The following LGMN variants were observed in gnomAD, a reference collection of about 807,000 sequenced individuals.
LGMN encodes the protein asparaginyl endopeptidase.
A neutral mutation model predicts 56.8 loss-of-function variants in LGMN; 36 were observed. The observed-to-expected ratio is 0.63, with a 90% CI of 0.49 to 0.84. The LOEUF is 0.84. LGMN is among the 40% of genes least tolerant of loss of function. The pLI is 0.00. For missense variants in LGMN, 446 were observed against 556.1 expected (o/e 0.80, Z 1.99); for synonymous variants, 199 against 210.1 (o/e 0.95, Z 0.46).
chr14:92,718,721 C>G, intron 3 of LGMN, 26 bp downstream of exon 3: 6 of 1,505,862 alleles, frequency 4.0e-6, no homozygotes, highest in Non-Finnish European at 4.6e-6. Flanking sequence ...TCCTTCCCCA[C>G]CAAGTTCCAA....
chr14:92,721,564 T>C (rs537656477), intron 2 of LGMN, among the ~76,000 whole-genome samples: 5 of 152,342 alleles, frequency 3.3e-5, no homozygotes, highest in South Asian at 4.1e-4. Flanking sequence ...TATAGTGTAA[T>C]TGGCACTCCA....
intron 11 of LGMN, among the ~76,000 whole-genome samples, chr14:92,708,610 A>C (rs1889566179): frequency 1.3e-5 from 2 of 152,148 alleles, no homozygotes; most frequent in Admixed American, 1.3e-4. Context: ...GATTTAAAAA[A>C]AGAATCTTGC....
Position 92,714,676 on chromosome 14 carries a change from G to C in LGMN, c.405-225C>G, listed in dbSNP as rs1889973381. 6.6e-6 allele frequency among the ~76,000 whole-genome samples: 1 copy of C among 152,152 alleles called. No homozygotes were observed. Among genetic ancestry groups the C allele is most frequent in the Non-Finnish European group, 1.5e-5 (1 of 68,034 alleles). ...ATAGATCCTAGAGCCTCCAAATTCT[G>C]AACTACGGCTGGAAAGGAGGAGGGG... On this transcript the variant is annotated intron_variant, in intron 5 of 13. Transcript: ENST00000334869. The surrounding 1 kb of genome is among the most constrained non-coding windows in gnomAD (Gnocchi z 5.1).
At chr14:92,737,728 T>C (rs992831646) in intron 1 of LGMN, among the ~76,000 whole-genome samples, 1 of 152,238 alleles carries the variant, frequency 6.6e-6, no homozygotes, top group Non-Finnish European at 1.5e-5. Context: ...AATTGGACTC[T>C]GGAAGTGATG....
intron 2 of LGMN, among the ~76,000 whole-genome samples, chr14:92,721,149 G>A (rs1442988096): frequency 5.3e-5 from 8 of 152,210 alleles, no homozygotes. Flanking sequence ...ACCTTGGATA[G>A]AGAGTGCTTG....
intron 12 of LGMN, 57 bp from the exon 13 acceptor site, chr14:92,704,764 C>G: frequency 3.5e-6 from 5 of 1,422,742 alleles, no homozygotes; most frequent in Non-Finnish European, 5.0e-6. Context: ...ACAATCCACT[C>G]CACTTTTGCA....
chr14:92,718,966 T>C (rs532304384), intron 2 of LGMN, 122 bp from the exon 3 acceptor site: 1 of 618,282 alleles, frequency 1.6e-6, no homozygotes, highest in South Asian at 2.0e-5. Context: ...GGTCAGGCAT[T>C]TAAATTATTA....
intron 7 of LGMN, among the ~76,000 whole-genome samples, chr14:92,713,609 G>A (rs1235873314): frequency 6.6e-6 from 1 of 152,152 alleles, no homozygotes; most frequent in Non-Finnish European, 1.5e-5. Context: ...AAACTCTGGG[G>A]GCGAGGCCCA....
rs900477551 is a variant in LGMN at position 92,706,264 on chromosome 14, G to C, written c.1191+219C>G. 9.6e-6 allele frequency: 4 copies of C among 418,008 alleles called. No homozygotes were observed. The East Asian group carries it at 1.4e-4, about 14-fold the overall frequency. 25.9% of individuals were successfully genotyped at this position (418,008 alleles called of 1,614,324 possible). A position where few individuals can be genotyped will look rare whatever the true frequency, so the allele number is the denominator to read the frequency against. ...CTAGAAGTGAGAGCTGTCATCTATGGCTCTGGTAAACTCTCCTACCCACTG... is the reference window on the plus strand; with the variant it reads ...CTAGAAGTGAGAGCTGTCATCTATGCCTCTGGTAAACTCTCCTACCCACTG... On this transcript the variant is annotated intron_variant, in intron 12 of 13. Coordinates refer to ENST00000334869, the MANE Select transcript of LGMN (RefSeq NM_005606.7).
intron 2 of LGMN, among the ~76,000 whole-genome samples, chr14:92,719,133 CGCCACCGCCACCACCACCGCCACT>C (rs1272515162): frequency 6.8e-6 from 1 of 147,150 alleles, no homozygotes; most frequent in African/African-American, 2.5e-5. Flanking sequence ...CCACAACCAC[CGCCACCGCCACCACCACCGCCACT>C]GCCACCACCA....
chr14:92,725,276 C>T (rs1890686167), intron 2 of LGMN, among the ~76,000 whole-genome samples: 1 of 152,156 alleles, frequency 6.6e-6, no homozygotes, highest in African/African-American at 2.4e-5. Flanking sequence ...GATTTCAGGC[C>T]AGACACAGTG....
At chr14:92,716,267 C>T in intron 4 of LGMN, 46 bp from the exon 5 acceptor site, 1 of 1,413,768 alleles carries the variant, frequency 7.1e-7, no homozygotes, top group African/African-American at 1.4e-5. Flanking sequence ...GTCGCTCCAA[C>T]CCAGAGAGTT....
At chr14:92,719,212 GCCA>G (rs1890257791) in intron 2 of LGMN, among the ~76,000 whole-genome samples, 1 of 48,918 alleles carries the variant, frequency 2.0e-5, no homozygotes, top group Non-Finnish European at 3.9e-5. Flanking sequence ...CACCACCACC[GCCA>G]CCAACACCAC....
intron 1 of LGMN, among the ~76,000 whole-genome samples, chr14:92,746,797 G>A (rs1241057641): frequency 6.6e-6 from 1 of 152,132 alleles, no homozygotes; most frequent in Non-Finnish European, 1.5e-5. Flanking sequence ...AGCACTTTGG[G>A]AGGCCGAGGG....
chr14:92,706,749 A>G, intron 11 of LGMN, 96 bp from the exon 12 acceptor site: 1 of 1,165,558 alleles, frequency 8.6e-7, no homozygotes, highest in Admixed American at 2.9e-5. Context: ...GCTACTCTCC[A>G]CACAGCCCTC....
At chr14:92,705,443 A>C (rs1005761748) in intron 12 of LGMN, among the ~76,000 whole-genome samples, 11 of 151,710 alleles carry the variant, frequency 7.3e-5, no homozygotes, top group African/African-American at 2.4e-4. Context: ...CAGAGGTTGC[A>C]GTGAGCTGAG....
intron 11 of LGMN, among the ~76,000 whole-genome samples, chr14:92,708,899 A>G (rs1457401257): frequency 7.5e-5 from 11 of 146,502 alleles, no homozygotes; most frequent in Non-Finnish European, 4.5e-5. Flanking sequence ...TAGAAAACTC[A>G]GGCCATATTT....
chr14:92,719,149 ACCGCCACTG>A lies in LGMN; in HGVS notation c.139-314_139-306del, dbSNP rs1411804559. ...CACAACCACCGCCACCGCCACCACC[ACCGCCACTG>A]CCACCACCACCACCACCACCACCAT... On this transcript the variant is annotated intron_variant, in intron 2 of 13. Transcript: ENST00000334869. Among the ~76,000 whole-genome samples the A allele has an allele frequency of 1.6e-3, 175 of 110,640 alleles. 1 individual carries two copies. Among genetic ancestry groups the A allele is most frequent in the Middle Eastern group, 4.2e-3 (1 of 236 alleles). 72.6% of individuals were successfully genotyped at this position (110,640 alleles called of 152,430 possible). A position where few individuals can be genotyped will look rare whatever the true frequency, so the allele number is the denominator to read the frequency against.
At chr14:92,745,908 G>C (rs374045414) in intron 1 of LGMN, among the ~76,000 whole-genome samples, 1 of 151,590 alleles carries the variant, frequency 6.6e-6, no homozygotes, top group Non-Finnish European at 1.5e-5. Context: ...TGCAACCTCC[G>C]GCTCCCTGGT....
Sources: gnomAD v4.1 joint callset for allele counts (sites outside exome capture counted in the v4.1 genomes callset) on GRCh38, gnomAD v4.1.1 for gene constraint, Gnocchi (gnomAD v3.1) non-coding constraint, MANE v1.5 for transcripts, NCBI Gene and HGNC (gene_info 2026-07-23, HGNC 2026-07-21) for gene names.